The following VPS13B variants were observed in gnomAD, a reference collection of about 807,000 sequenced individuals.
The protein encoded by VPS13B is intermembrane lipid transfer protein VPS13B.
In VPS13B, 285 loss-of-function variants were observed where a neutral mutation model predicts 426.4. The observed-to-expected ratio is 0.67, with a 90% CI of 0.61 to 0.74. The LOEUF is 0.74. Among genes scored for constraint, VPS13B ranks in the 30% least tolerant of loss-of-function variants. The pLI is 0.00. For synonymous variants in VPS13B, 1,676 were observed against 1,676.4 expected (o/e 1.00, Z 0.01); for missense variants, 4,537 against 4,782.6 (o/e 0.95, Z 1.51).
At chr8:99,840,695 C>T (rs1036060249) in intron 54 of VPS13B, among the ~76,000 whole-genome samples, 3 of 152,140 alleles carry the variant, frequency 2.0e-5, no homozygotes, top group Non-Finnish European at 4.4e-5. Context: ...TCAGAACATA[C>T]TTTGTTAAGT....
At chr8:99,468,124 A>G (rs563206956) in intron 24 of VPS13B, among the ~76,000 whole-genome samples, 1 of 152,178 alleles carries the variant, frequency 6.6e-6, no homozygotes, top group East Asian at 1.9e-4. Flanking sequence ...TACATTAGGT[A>G]TATCTCCTAA....
At chr8:99,070,966 T>C (rs943915230) in intron 3 of VPS13B, among the ~76,000 whole-genome samples, 4 of 152,134 alleles carry the variant, frequency 2.6e-5, no homozygotes, top group African/African-American at 9.7e-5. Flanking sequence ...CTTTGTTAAA[T>C]TTATCTGATA....
intron 38 of VPS13B, 96 bp from the exon 39 acceptor site, chr8:99,720,767 A>G (rs1189791495): frequency 1.6e-6 from 2 of 1,273,544 alleles, no homozygotes; most frequent in Non-Finnish European, 1.1e-6. Context: ...TAGCTTCTTT[A>G]TATCTTTTAT....
intron 19 of VPS13B, among the ~76,000 whole-genome samples, chr8:99,281,318 G>C (rs974452877): frequency 1.3e-5 from 2 of 152,180 alleles, no homozygotes; most frequent in Non-Finnish European, 2.9e-5. Flanking sequence ...CATGGCCCAG[G>C]GGTTGGGGAC....
chr8:99,554,443 A>G (rs1006183846), intron 30 of VPS13B, among the ~76,000 whole-genome samples: 3 of 152,142 alleles, frequency 2.0e-5, no homozygotes, highest in Admixed American at 2.0e-4. Flanking sequence ...TTTAAAGACT[A>G]TGTGCTCTTA....
chr8:99,435,493 C>T (rs770701575), intron 22 of VPS13B, among the ~76,000 whole-genome samples: 4 of 152,018 alleles, frequency 2.6e-5, no homozygotes, highest in Non-Finnish European at 5.9e-5. Context: ...TTTGCACTAT[C>T]GATAAACAAG....
At chr8:99,341,116 CA>C (rs1811220815) in intron 19 of VPS13B, 1 of 272,630 alleles carries the variant, frequency 3.7e-6, no homozygotes, top group Admixed American at 4.0e-5. Context: ...CAAAGGTCAG[CA>C]TTCTTTTCTG....
At position 99,877,558 on chromosome 8, in the gene VPS13B, T is replaced by C. The variant is rs1050056370; in HGVS notation, c.*1892T>C. 3 of 152,500 alleles carry C rather than the reference T, an allele frequency of 2.0e-5. No individual in the cohort carries two copies. The highest frequency in any genetic ancestry group is 3.4e-3 in the Middle Eastern group (1 of 294). 9.4% of individuals were successfully genotyped at this position (152,500 alleles called of 1,614,324 possible). A position where few individuals can be genotyped will look rare whatever the true frequency, so the allele number is the denominator to read the frequency against. ...AATGGGTAATATACAGGTTTTGTTA[T>C]AATAAAGTTACTGATTAAATTAGCT... On this transcript the variant is annotated 3_prime_UTR_variant, in exon 62 of 62. Coordinates refer to ENST00000357162, the MANE Select transcript of VPS13B (RefSeq NM_152564.5).
chr8:99,746,473 C>T (rs897663645), intron 39 of VPS13B, among the ~76,000 whole-genome samples: 8 of 152,174 alleles, frequency 5.3e-5, no homozygotes, highest in Non-Finnish European at 1.2e-4. Context: ...AATTCCTCCA[C>T]TAGGAAGGAG....
At chr8:99,798,372 T>G (rs1232801060) in intron 43 of VPS13B, among the ~76,000 whole-genome samples, 1 of 152,148 alleles carries the variant, frequency 6.6e-6, no homozygotes, top group Non-Finnish European at 1.5e-5. Flanking sequence ...ACAGAGCATA[T>G]TTGGATTTTT....
chr8:99,295,884 T>A (rs1820007459), intron 19 of VPS13B, among the ~76,000 whole-genome samples: 1 of 151,980 alleles, frequency 6.6e-6, no homozygotes, highest in African/African-American at 2.4e-5. Context: ...TTTAAAAAAA[T>A]TAGCTGGGCA....
At chr8:99,271,231 TACTACTACTACTACTAC>T (rs1818583894) in intron 17 of VPS13B, among the ~76,000 whole-genome samples, 1 of 150,098 alleles carries the variant, frequency 6.7e-6, no homozygotes, top group Admixed American at 6.6e-5. Context: ...CTACTACTAC[TACTACTACTACTACTAC>T]GATGATGATT....
At chr8:99,564,548 G>A (rs1825095339) in intron 31 of VPS13B, among the ~76,000 whole-genome samples, 1 of 152,210 alleles carries the variant, frequency 6.6e-6, no homozygotes, top group Admixed American at 6.5e-5. Context: ...TCAGGAAGAA[G>A]AAGTGATCAC....
intron 2 of VPS13B, among the ~76,000 whole-genome samples, chr8:99,019,765 C>T (rs777827037): frequency 1.2e-4 from 19 of 152,184 alleles, no homozygotes; most frequent in Non-Finnish European, 2.5e-4. Context: ...TGGCATATTT[C>T]ACTTAGCACA....
At chr8:99,777,740 T>C (rs1320498617) in intron 41 of VPS13B, among the ~76,000 whole-genome samples, 2 of 152,206 alleles carry the variant, frequency 1.3e-5, no homozygotes, top group Non-Finnish European at 2.9e-5. Flanking sequence ...TAAAGGGGTA[T>C]CATTTTTACA....
At chr8:99,107,366 A>G (rs1847104527) in intron 5 of VPS13B, among the ~76,000 whole-genome samples, 1 of 152,196 alleles carries the variant, frequency 6.6e-6, no homozygotes, top group Non-Finnish European at 1.5e-5. Flanking sequence ...AAAAAAGAGT[A>G]TACCCCAAAG....
intron 51 of VPS13B, among the ~76,000 whole-genome samples, chr8:99,831,707 TAAC>T (rs1470130777): frequency 6.6e-6 from 1 of 152,150 alleles, no homozygotes; most frequent in Admixed American, 6.5e-5. Flanking sequence ...AAATACAATA[TAAC>T]AATCATTTAC....
At chr8:99,169,830 G>A (rs1038991991) in intron 15 of VPS13B, among the ~76,000 whole-genome samples, 1 of 152,034 alleles carries the variant, frequency 6.6e-6, no homozygotes, top group Non-Finnish European at 1.5e-5. Context: ...TCAGGGATGT[G>A]AAATAAATAC....
intron 17 of VPS13B, among the ~76,000 whole-genome samples, chr8:99,224,340 T>A (rs911883562): frequency 1.3e-5 from 2 of 152,200 alleles, no homozygotes; most frequent in East Asian, 3.8e-4. Context: ...TCTAAGCATT[T>A]TTATGATTGT....
Sources: allele counts gnomAD v4.1 joint callset (sites outside exome capture counted in the v4.1 genomes callset), GRCh38; gene constraint gnomAD v4.1.1; transcripts MANE v1.5; gene names NCBI Gene and HGNC (gene_info 2026-07-23, HGNC 2026-07-21).